CTNNA2: variants seen among roughly 807,000 people sequenced by gnomAD.
The protein encoded by CTNNA2 is catenin alpha-2.
A neutral mutation model predicts 101.0 loss-of-function variants in CTNNA2; 42 were observed. The observed-to-expected ratio is 0.42, with a 90% CI of 0.32 to 0.54. CTNNA2 has a LOEUF of 0.54. Ranked by LOEUF, CTNNA2 falls within the 20% of genes least tolerant of loss-of-function variation. The pLI, the probability that CTNNA2 is intolerant of heterozygous loss-of-function variation, is 0.14. For missense variants in CTNNA2, 871 were observed against 1,223.1 expected, an observed-to-expected ratio of 0.71 and a Z score of 4.29; for synonymous variants, 450 against 456.4, an observed-to-expected ratio of 0.99 and a Z score of 0.18.
At chr2:79,779,130 GTTGT>G (rs1013133739) in intron 3 of CTNNA2, among the ~76,000 whole-genome samples, 3 of 120,870 alleles carry the variant, frequency 2.5e-5, no homozygotes, top group East Asian at 6.9e-4. Context: ...AAATTCTGTT[GTTGT>G]TTTTTTTTTT....
chr2:79,983,348 G>A (rs2103848067), intron 7 of CTNNA2, among the ~76,000 whole-genome samples: 1 of 151,930 alleles, frequency 6.6e-6, no homozygotes, highest in East Asian at 1.9e-4. Flanking sequence ...TCCAAATGGA[G>A]GAGACACACA....
chr2:79,965,827 C>CAAAAAAAAAAAAAAAAAAAAAAAAAAA (rs10686940), intron 7 of CTNNA2, among the ~76,000 whole-genome samples: 8 of 77,988 alleles, frequency 1.0e-4, no homozygotes, highest in East Asian at 3.6e-4. Context: ...GAGACTATGT[C>CAAAAAAAAAAAAAAAAAAAAAAAAAAA]AAAAAAAAAA....
intron 14 of CTNNA2, among the ~76,000 whole-genome samples, chr2:80,587,011 G>T (rs1343128481): frequency 6.6e-6 from 1 of 152,116 alleles, no homozygotes; most frequent in Non-Finnish European, 1.5e-5. Flanking sequence ...GCCCCACTTG[G>T]TTGAGGACCC....
chr2:79,660,169 G>A (rs958701003), intron 2 of CTNNA2, among the ~76,000 whole-genome samples: 1 of 150,738 alleles, frequency 6.6e-6, no homozygotes, highest in African/African-American at 2.4e-5. Context: ...ATGTATGTAT[G>A]CAAATAGCAT....
chr2:80,268,481 G>A lies in CTNNA2; in HGVS notation c.1057-124730G>A, dbSNP rs1379660812. 5.9e-5 allele frequency among the ~76,000 whole-genome samples: 9 copies of A among 152,126 alleles called. 1 individual carries two copies. Among genetic ancestry groups the A allele is most frequent in the Admixed American group, 6.5e-5 (1 of 15,274 alleles). On this transcript the variant is annotated intron_variant, in intron 7 of 18. Transcript: ENST00000402739. ...AGTTTTCCTTATTGGTTTTCATTTA[G>A]GAGTAACCCTCTAATTAGAGCCCTC... is the stretch of plus-strand genomic sequence containing the variant.
intron 3 of CTNNA2, among the ~76,000 whole-genome samples, chr2:79,756,631 AAAC>A: frequency 6.6e-6 from 1 of 152,326 alleles, no homozygotes; most frequent in South Asian, 2.1e-4. Context: ...AAGAGAATAT[AAAC>A]AAGCCATAAA....
intron 1 of CTNNA2, among the ~76,000 whole-genome samples, chr2:79,583,222 A>T (rs1038175772): frequency 9.8e-4 from 147 of 149,928 alleles, no homozygotes; most frequent in African/African-American, 3.2e-3. Flanking sequence ...TATATATATA[A>T]AATATATATA....
intron 9 of CTNNA2, among the ~76,000 whole-genome samples, chr2:80,488,532 T>C (rs778181740): frequency 3.9e-5 from 6 of 152,216 alleles, no homozygotes; most frequent in Non-Finnish European, 8.8e-5. Flanking sequence ...ACATCCATTG[T>C]GAAGTTCAGG....
intron 3 of CTNNA2, among the ~76,000 whole-genome samples, chr2:79,818,073 G>A (rs1345979391): frequency 6.6e-6 from 1 of 152,086 alleles, no homozygotes; most frequent in Non-Finnish European, 1.5e-5. Flanking sequence ...AACTCCTACT[G>A]GGTGTTTCTT....
intron 9 of CTNNA2, among the ~76,000 whole-genome samples, chr2:80,501,531 G>T (rs939511439): frequency 3.3e-5 from 5 of 152,158 alleles, no homozygotes; most frequent in Admixed American, 2.6e-4. Context: ...CCATGGAAGA[G>T]AAATTCATTA....
At chr2:79,481,765 T>A (rs1671112678) in intron 4 of CTNNA2, among the ~76,000 whole-genome samples, 1 of 152,106 alleles carries the variant, frequency 6.6e-6, no homozygotes, top group Non-Finnish European at 1.5e-5. Context: ...GCAATAAAAC[T>A]GTTAAAATAA....
intron 7 of CTNNA2, among the ~76,000 whole-genome samples, chr2:80,236,590 C>T (rs1477793565): frequency 2.0e-5 from 3 of 152,172 alleles, no homozygotes; most frequent in African/African-American, 7.2e-5. Context: ...GAAATGTAAT[C>T]TACTAGTGTG....
chr2:80,630,043 C>T (rs1335832601), intron 18 of CTNNA2, among the ~76,000 whole-genome samples: 1 of 152,054 alleles, frequency 6.6e-6, no homozygotes, highest in African/African-American at 2.4e-5. Flanking sequence ...AAAGTCAGGC[C>T]CCTGAGAGCC....
chr2:80,554,488 G>C (rs1450511133), intron 11 of CTNNA2, among the ~76,000 whole-genome samples: 1 of 152,120 alleles, frequency 6.6e-6, no homozygotes, highest in Non-Finnish European at 1.5e-5. Context: ...ATGTCTCATG[G>C]TTCTGGAGGC....
chr2:79,444,946 G>A (rs1291491979), intron 4 of CTNNA2, among the ~76,000 whole-genome samples: 1 of 151,816 alleles, frequency 6.6e-6, no homozygotes. Flanking sequence ...CTGGAAGAAG[G>A]GATTGAAAAA....
intron 2 of CTNNA2, among the ~76,000 whole-genome samples, chr2:79,655,828 CAAA>C (rs34282777): frequency 0.02 from 2,730 of 136,278 alleles, 79 homozygotes; most frequent in African/African-American, 0.066. Flanking sequence ...GACTCCATCT[CAAA>C]AAAAAAAAAA....
At chr2:79,356,171 A>C (rs1196800910) in intron 3 of CTNNA2, among the ~76,000 whole-genome samples, 2 of 151,660 alleles carry the variant, frequency 1.3e-5, no homozygotes, top group African/African-American at 4.8e-5. Flanking sequence ...GTGGTATTAT[A>C]TTGTTGTTTT....
intron 1 of CTNNA2, among the ~76,000 whole-genome samples, chr2:79,600,338 G>A (rs1677469934): frequency 6.6e-6 from 1 of 151,990 alleles, no homozygotes; most frequent in Non-Finnish European, 1.5e-5. Flanking sequence ...ACCATGCCTG[G>A]CTAATTTTTT....
At chr2:79,941,024 A>C (rs368658398) in intron 7 of CTNNA2, among the ~76,000 whole-genome samples, 1 of 152,206 alleles carries the variant, frequency 6.6e-6, no homozygotes, top group African/African-American at 2.4e-5. Flanking sequence ...CAGAAGCCAC[A>C]AGAAGCCTAC....
Sources: allele counts gnomAD v4.1 joint callset (sites outside exome capture counted in the v4.1 genomes callset), GRCh38; gene constraint gnomAD v4.1.1; transcripts MANE v1.5; gene names NCBI Gene and HGNC (gene_info 2026-07-23, HGNC 2026-07-21).